DISP3: variants seen among roughly 807,000 people sequenced by gnomAD.
The protein encoded by DISP3 is dispatched RND transporter family member 3.
A neutral mutation model predicts 135.3 loss-of-function variants in DISP3; 101 were observed. The observed-to-expected ratio is 0.75, with a 90% confidence interval of 0.64 to 0.88. DISP3 has a LOEUF of 0.88. DISP3 is among the 40% of genes least tolerant of loss of function. DISP3 has a pLI of 0.00. For synonymous variants in DISP3, 856 were observed against 817.0 expected (o/e 1.05, Z -0.81); for missense variants, 1,713 against 1,878.6 (o/e 0.91, Z 1.63).
Position 11,526,598 on chromosome 1 carries a change from C to T in DISP3, c.2614-53C>T, listed in dbSNP as rs1642425649. The T allele has an allele frequency of 3.6e-5, 56 of 1,574,756 alleles. No homozygotes were observed. The South Asian group carries it at 6.3e-4, about 18-fold the overall frequency. ...GGACGGAGCCTGAGGCTGGCCCAGG[C>T]CGAGGCAGCCCCCCCGAGTCATGTG... is the stretch of plus-strand genomic sequence containing the variant. On this transcript the variant is annotated intron_variant, in intron 12 of 20. Coordinates refer to ENST00000294484, the MANE Select transcript of DISP3 (RefSeq NM_020780.2).
At chr1:11,493,738 C>G (rs1010198703) in intron 1 of DISP3, among the ~76,000 whole-genome samples, 5 of 151,396 alleles carry the variant, frequency 3.3e-5, no homozygotes, top group African/African-American at 1.2e-4. Context: ...AAAAAAAAAT[C>G]TTATCTGGAA....
rs1222154231 is a variant in DISP3, at chr1:11,522,959, A to ACCCAGCCAGAGCCCAGCCAGGG, written c.2363-974_2363-973insAGCCCAGCCAGGGCCCAGCCAG. Reference sequence around the variant, plus strand: ...AGGACCCAGCCAGAGCCCAACCAGGACCCAGCCAGGACCCAGCCGGAGCCC... The same window carrying ACCCAGCCAGAGCCCAGCCAGGG: ...AGGACCCAGCCAGAGCCCAACCAGGACCCAGCCAGAGCCCAGCCAGGGCCCAGCCAGGACCCAGCCGGAGCCC... On this transcript the variant is annotated intron_variant, in intron 10 of 20. Transcript: ENST00000294484. Among the ~76,000 whole-genome samples, 4 of 125,040 alleles carry ACCCAGCCAGAGCCCAGCCAGGG rather than the reference A, an allele frequency of 3.2e-5. 1 individual carries two copies. The highest frequency in any genetic ancestry group is 1.6e-4 in the Admixed American group (2 of 12,596). 82.0% of individuals were successfully genotyped at this position (125,040 alleles called of 152,430 possible). A position where few individuals can be genotyped will look rare whatever the true frequency, so the allele number is the denominator to read the frequency against.
At position 11,529,434 on chromosome 1, in the gene DISP3, C is replaced by A; in HGVS notation, c.2799-122C>A. 8.3e-7 allele frequency: 1 copy of A among 1,200,468 alleles called. No homozygotes were observed. The highest frequency in any genetic ancestry group is 1.2e-6 in the Non-Finnish European group (1 of 860,962). The allele number at this position is 1,200,468 out of a possible 1,614,324, so 74.4% of individuals were successfully genotyped here. A position where few individuals can be genotyped will look rare whatever the true frequency, so the allele number is the denominator to read the frequency against. On this transcript the variant is annotated intron_variant, in intron 13 of 20. Coordinates refer to ENST00000294484, the MANE Select transcript of DISP3 (RefSeq NM_020780.2). This position sits in a 1 kb window ranked among gnomAD's most constrained non-coding sequence, Gnocchi z 4.7. Reference sequence around the variant, plus strand: ...CTGAGAACAAATCCCCATGCCGGGGCAGAGCCCGAGTCCAGACCCCATGAC... The same window carrying A: ...CTGAGAACAAATCCCCATGCCGGGGAAGAGCCCGAGTCCAGACCCCATGAC...
intron 4 of DISP3, 115 bp downstream of exon 4, chr1:11,514,641 G>A (rs1641951629): frequency 4.5e-6 from 6 of 1,347,634 alleles, no homozygotes; most frequent in Non-Finnish European, 6.1e-6. Flanking sequence ...TCAGAGCTGG[G>A]GACACAGGGA....
chr1:11,517,713 C>T, intron 7 of DISP3, 111 bp downstream of exon 7: 1 of 1,368,606 alleles, frequency 7.3e-7, no homozygotes, highest in Non-Finnish European at 9.9e-7. Flanking sequence ...CAGTCCTTTG[C>T]TAGGCAGGGA....
chr1:11,526,104 A>G (rs760627013), intron 12 of DISP3, among the ~76,000 whole-genome samples: 3 of 152,084 alleles, frequency 2.0e-5, no homozygotes, highest in Non-Finnish European at 4.4e-5. Flanking sequence ...CAGGATTTAT[A>G]TTTCCATTTG....
rs1416313262 is a variant in DISP3 at position 11,537,498 on chromosome 1, T to C, written c.*812T>C. On this transcript the variant is annotated 3_prime_UTR_variant, in exon 21 of 21. Transcript: ENST00000294484. Reference sequence around the variant, plus strand: ...TGGCCCCTGTGGGGAGGAGCTGCCATGCCGGCCGCCTGCTCACGGCAGAAG... The same window carrying C: ...TGGCCCCTGTGGGGAGGAGCTGCCACGCCGGCCGCCTGCTCACGGCAGAAG... 6.6e-6 allele frequency: 1 copy of C among 152,480 alleles called. No individual in the cohort carries two copies. Among genetic ancestry groups the C allele is most frequent in the Non-Finnish European group, 1.5e-5 (1 of 68,228 alleles). 9.4% of individuals were successfully genotyped at this position (152,480 alleles called of 1,614,324 possible). A position where few individuals can be genotyped will look rare whatever the true frequency, so the allele number is the denominator to read the frequency against.
intron 17 of DISP3, 73 bp from the exon 18 acceptor site, chr1:11,534,308 A>G: frequency 1.9e-6 from 3 of 1,567,120 alleles, no homozygotes; most frequent in Non-Finnish European, 2.6e-6. Context: ...CGCAGAACAG[A>G]CCAGCCATGC....
intron 2 of DISP3, 108 bp from the exon 3 acceptor site, chr1:11,502,570 A>G (rs1473820020): frequency 2.3e-6 from 2 of 859,550 alleles, no homozygotes; most frequent in Non-Finnish European, 3.6e-6. Flanking sequence ...GGATATGGAC[A>G]GGGGGAATCC....
chr1:11,524,985 G>A (rs1178023180), intron 11 of DISP3, among the ~76,000 whole-genome samples, 191 bp from the exon 12 acceptor site: 1 of 140,986 alleles, frequency 7.1e-6, no homozygotes, highest in African/African-American at 2.7e-5. Context: ...CCCATCCTGT[G>A]CCCACCACCT....
Position 11,502,908 on chromosome 1 carries a change from C to T in DISP3, c.1316+11C>T, listed in dbSNP as rs1229220533. On this transcript the variant is annotated intron_variant, in intron 3 of 20. Coordinates refer to ENST00000294484, the MANE Select transcript of DISP3 (RefSeq NM_020780.2). ...CAAGCAGTCTACCAGGTAGGAAGTCCAGCTGCATCCTGTGTGTGCATGCCC... is the reference window on the plus strand; with the variant it reads ...CAAGCAGTCTACCAGGTAGGAAGTCTAGCTGCATCCTGTGTGTGCATGCCC... 5 of 1,601,784 alleles carry T rather than the reference C, an allele frequency of 3.1e-6. No homozygotes were observed. The highest frequency in any genetic ancestry group is 4.3e-6 in the Non-Finnish European group (5 of 1,171,418).
chr1:11,491,640 C>G lies in DISP3; in HGVS notation c.-3-9350C>G, dbSNP rs931937716. Among the ~76,000 whole-genome samples, 3 of 151,834 alleles carry G rather than the reference C, an allele frequency of 2.0e-5. No homozygotes were observed. Among genetic ancestry groups the G allele is most frequent in the Non-Finnish European group, 4.4e-5 (3 of 67,968 alleles). ...CAAACAAACAAAACAAAACAAAACCCGGATTCCTGGGCCCCACCTCCTCTG... is the reference window on the plus strand; with the variant it reads ...CAAACAAACAAAACAAAACAAAACCGGGATTCCTGGGCCCCACCTCCTCTG... On this transcript the variant is annotated intron_variant, in intron 1 of 20. Transcript: ENST00000294484. This position sits in a 1 kb window ranked among gnomAD's most constrained non-coding sequence, Gnocchi z 4.3.
rs1262568958 is a variant in DISP3 at position 11,501,683 on chromosome 1, C to A, written c.691C>A (p.Arg231=). The part of the protein sequence containing the change: ...PRNQRLSKNG[R]YQPSIPPHAA... ...AAACCAGCGGCTGAGCAAGAATGGG[C>A]GGTACCAGCCCAGCATCCCGCCCCA... Residue 231 remains arginine, a synonymous_variant, in exon 2 of 21, where the codon CGG becomes AGG. Transcript: ENST00000294484. This position sits in a 1 kb window ranked among gnomAD's most constrained non-coding sequence, Gnocchi z 4.9. The A allele has an allele frequency of 1.2e-6, 2 of 1,604,588 alleles. No homozygotes were observed. The highest frequency in any genetic ancestry group is 2.7e-5 in the African/African-American group (2 of 74,822).
chr1:11,529,509 TCCTCCTAG>T lies in DISP3; in HGVS notation c.2799-43_2799-36del. ...GCCTGCTGGCCTCACCTCCCCTGAC[TCCTCCTAG>T]CCTTTCCGGCCTCAGCCCAGCCTCC... On this transcript the variant is annotated intron_variant, in intron 13 of 20. Transcript: ENST00000294484. This position sits in a 1 kb window ranked among gnomAD's most constrained non-coding sequence, Gnocchi z 4.7. 1 of 1,520,716 alleles carries T rather than the reference TCCTCCTAG, an allele frequency of 6.6e-7. No homozygotes were observed. The highest frequency in any genetic ancestry group is 8.8e-7 in the Non-Finnish European group (1 of 1,131,942). The allele number at this position is 1,520,716 out of a possible 1,614,324, so 94.2% of individuals were successfully genotyped here.
intron 15 of DISP3, among the ~76,000 whole-genome samples, 174 bp from the exon 16 acceptor site, chr1:11,530,733 G>T (rs192628401): frequency 1.3e-5 from 2 of 152,196 alleles, no homozygotes; most frequent in Non-Finnish European, 2.9e-5. Context: ...GCTGGCGGGG[G>T]CAGGGCAGAG....
chr1:11,489,255 T>C (rs1053947568), intron 1 of DISP3, among the ~76,000 whole-genome samples: 4 of 152,212 alleles, frequency 2.6e-5, no homozygotes, highest in African/African-American at 9.6e-5. Context: ...TAGCTTCTGA[T>C]GTATCCTCCA....
Position 11,517,529 on chromosome 1 carries a change from C to T in DISP3, c.1816C>T (p.Leu606Phe), listed in dbSNP as rs747688752. 22 of 1,614,216 alleles carry T rather than the reference C, an allele frequency of 1.4e-5. 2 individuals are homozygous for T. The South Asian group carries it at 2.4e-4, about 18-fold the overall frequency. Residue 606 changes from leucine to phenylalanine, a missense_variant, in exon 7 of 21, where the codon CTT becomes TTT. Transcript: ENST00000294484. ...LIVSCCWLAV[L>F]VTMPAALGLW... Reference sequence around the variant, plus strand: ...CGTGTCCTGTTGCTGGCTGGCCGTGCTTGTCACCATGCCTGCAGCTCTGGG... The same window carrying T: ...CGTGTCCTGTTGCTGGCTGGCCGTGTTTGTCACCATGCCTGCAGCTCTGGG...
At chr1:11,498,018 C>T (rs1641388579) in intron 1 of DISP3, among the ~76,000 whole-genome samples, 1 of 152,234 alleles carries the variant, frequency 6.6e-6, no homozygotes. Flanking sequence ...TCACATCTAC[C>T]CGCCTGTGGG....
chr1:11,480,185 C>T (rs913936694), intron 1 of DISP3, among the ~76,000 whole-genome samples: 6 of 152,182 alleles, frequency 3.9e-5, no homozygotes, highest in Non-Finnish European at 8.8e-5. Flanking sequence ...GCTCCACGGC[C>T]GGCGCCAGCT....
Sources: allele counts gnomAD v4.1 joint callset (sites outside exome capture counted in the v4.1 genomes callset), GRCh38; gene constraint gnomAD v4.1.1; non-coding constraint Gnocchi (gnomAD v3.1); transcripts MANE v1.5; gene names NCBI Gene and HGNC (gene_info 2026-07-23, HGNC 2026-07-21).